DMXL1: variants seen among roughly 807,000 people sequenced by gnomAD.
The protein encoded by DMXL1 is dmX-like protein 1.
A neutral mutation model predicts 319.2 loss-of-function variants in DMXL1; 99 were observed. The observed-to-expected ratio is 0.31, with a 90% CI of 0.26 to 0.37. The LOEUF (loss-of-function observed/expected upper bound fraction) is 0.37. Ranked by LOEUF, DMXL1 falls within the 10% of genes least tolerant of loss-of-function variation. The pLI is 1.00. For synonymous variants in DMXL1, 1,385 were observed against 1,235.2 expected (o/e 1.12, Z -2.54); for missense variants, 3,745 against 3,595.6 (o/e 1.04, Z -1.06).
intron 9 of DMXL1, among the ~76,000 whole-genome samples, chr5:119,122,362 G>A (rs1376555141): frequency 8.8e-5 from 13 of 147,164 alleles, no homozygotes; most frequent in Non-Finnish European, 1.8e-4. Context: ...GGGCAGAGGG[G>A]CTCCTCACTT....
At chr5:119,092,473 T>C (rs191805597) in intron 1 of DMXL1, among the ~76,000 whole-genome samples, 46 of 152,288 alleles carry the variant, frequency 3.0e-4, no homozygotes, top group Middle Eastern at 6.8e-3. Context: ...GCCACAGTTA[T>C]TATTTTTTAA....
chr5:119,239,112 G>A (rs774677629), intron 41 of DMXL1, 32 bp downstream of exon 41: 49 of 1,608,648 alleles, frequency 3.0e-5, no homozygotes, highest in Non-Finnish European at 4.0e-5. Context: ...TGAAGTATGA[G>A]AAAGTATAGC....
chr5:119,188,101 T>C (rs1778067413), intron 28 of DMXL1, among the ~76,000 whole-genome samples: 2 of 152,346 alleles, frequency 1.3e-5, no homozygotes, highest in South Asian at 4.1e-4. Context: ...TTAAAAACTC[T>C]CTTATATTTT....
chr5:119,203,608 T>A (rs1161203169), intron 33 of DMXL1, among the ~76,000 whole-genome samples, 172 bp downstream of exon 33: 1 of 152,188 alleles, frequency 6.6e-6, no homozygotes, highest in African/African-American at 2.4e-5. Flanking sequence ...TTTTCATAAA[T>A]CAATTTAATT....
At chr5:119,129,116 A>G in intron 9 of DMXL1, 95 bp from the exon 10 acceptor site, 1 of 788,942 alleles carries the variant, frequency 1.3e-6, no homozygotes, top group Non-Finnish European at 2.0e-6. Flanking sequence ...TCAGGCAAAC[A>G]AAATATAAAT....
chr5:119,194,634 C>T (rs1779290770), intron 30 of DMXL1, among the ~76,000 whole-genome samples: 1 of 152,136 alleles, frequency 6.6e-6, no homozygotes, highest in Non-Finnish European at 1.5e-5. Flanking sequence ...TGAAAGTTAC[C>T]ATGAGATTTT....
At chr5:119,118,639 C>G (rs1440420798) in intron 7 of DMXL1, among the ~76,000 whole-genome samples, 176 bp from the exon 8 acceptor site, 2 of 152,064 alleles carry the variant, frequency 1.3e-5, no homozygotes, top group East Asian at 1.9e-4. Flanking sequence ...CTACTGAATT[C>G]TAGGCAGAAA....
In DMXL1 at chr5:119,086,107, A is replaced by G. The variant is rs112760240; in HGVS notation, c.88-11872A>G. ...TCCATATGACTGGGGAGGCCTCACA[A>G]TCATGGCTGAAGGTGAAAGGCACAT... On this transcript the variant is annotated intron_variant, in intron 1 of 43. Coordinates refer to ENST00000539542, the MANE Select transcript of DMXL1 (RefSeq NM_001290321.3). 6.7e-3 allele frequency among the ~76,000 whole-genome samples: 1,017 copies of G among 152,348 alleles called. 11 individuals are homozygous for G. The highest frequency in any genetic ancestry group is 0.023 in the African/African-American group (964 of 41,580).
intron 32 of DMXL1, 108 bp downstream of exon 32, chr5:119,198,064 C>G (rs559233998): frequency 4.1e-6 from 4 of 987,298 alleles, no homozygotes; most frequent in Admixed American, 1.9e-5. Context: ...TCTCAGCTCA[C>G]TGCAGCCTCT....
At chr5:119,174,979 GAGAGCTGAC>G (rs1775511108) in intron 25 of DMXL1, among the ~76,000 whole-genome samples, 1 of 152,184 alleles carries the variant, frequency 6.6e-6, no homozygotes, top group Admixed American at 6.6e-5. Flanking sequence ...TGCTCTACTG[GAGAGCTGAC>G]ATCTGTTCCC....
intron 43 of DMXL1, among the ~76,000 whole-genome samples, chr5:119,245,630 C>T (rs1367514141): frequency 6.6e-6 from 1 of 151,474 alleles, no homozygotes; most frequent in African/African-American, 2.4e-5. Context: ...ACCTCCACCT[C>T]CCGGGTTCAA....
intron 23 of DMXL1, among the ~76,000 whole-genome samples, chr5:119,168,757 T>A (rs1028917333): frequency 6.6e-6 from 1 of 152,156 alleles, no homozygotes; most frequent in Non-Finnish European, 1.5e-5. Context: ...TCTTGCTTTG[T>A]TGCCCTGGCT....
intron 33 of DMXL1, among the ~76,000 whole-genome samples, chr5:119,204,651 T>C (rs1383348001): frequency 1.3e-5 from 2 of 152,136 alleles, no homozygotes; most frequent in Non-Finnish European, 2.9e-5. Flanking sequence ...GTAAGTTTTG[T>C]TACTAAAAAG....
chr5:119,204,200 C>G (rs1033831929), intron 33 of DMXL1, among the ~76,000 whole-genome samples: 1 of 151,954 alleles, frequency 6.6e-6, no homozygotes, highest in African/African-American at 2.4e-5. Context: ...TACAGTGGCA[C>G]CATTTCAGCT....
chr5:119,110,453 A>G (rs1759327632), intron 5 of DMXL1, among the ~76,000 whole-genome samples, 170 bp downstream of exon 5: 1 of 152,220 alleles, frequency 6.6e-6, no homozygotes, highest in Admixed American at 6.5e-5. Flanking sequence ...TGTTCTACAA[A>G]TACATTTTTT....
At chr5:119,228,790 G>T (rs1786091682) in intron 38 of DMXL1, among the ~76,000 whole-genome samples, 1 of 151,920 alleles carries the variant, frequency 6.6e-6, no homozygotes, top group African/African-American at 2.4e-5. Flanking sequence ...TTATAGTAAG[G>T]TTACTGTGGA....
intron 1 of DMXL1, among the ~76,000 whole-genome samples, chr5:119,092,807 TCATC>T (rs1259422753): frequency 1.6e-4 from 24 of 152,260 alleles, no homozygotes; most frequent in African/African-American, 4.1e-4. Flanking sequence ...TTTGTAAAGT[TCATC>T]CATGTTCTAG....
chr5:119,081,006 A>G (rs573914455), intron 1 of DMXL1, among the ~76,000 whole-genome samples: 5 of 152,270 alleles, frequency 3.3e-5, no homozygotes, highest in East Asian at 1.9e-4. Context: ...TGATCTTCCT[A>G]TTTGTAGCCT....
intron 1 of DMXL1, among the ~76,000 whole-genome samples, chr5:119,084,001 A>G (rs1428700544): frequency 6.6e-6 from 1 of 152,110 alleles, no homozygotes; most frequent in Non-Finnish European, 1.5e-5. Flanking sequence ...GTGAGATGAT[A>G]TATGTTTATA....
Sources: gnomAD v4.1 joint callset for allele counts (sites outside exome capture counted in the v4.1 genomes callset) on GRCh38, gnomAD v4.1.1 for gene constraint, MANE v1.5 for transcripts, NCBI Gene and HGNC (gene_info 2026-07-23, HGNC 2026-07-21) for gene names.